Variants in LRFN5 observed in about 807,000 individuals in gnomAD.
The protein encoded by LRFN5 is leucine rich repeat and fibronectin type III domain containing 5.
Under a neutral mutation model 45.6 loss-of-function variants are expected in LRFN5, and 24 were observed. The observed-to-expected ratio is 0.53, with a 90% CI of 0.38 to 0.74. The LOEUF is 0.74. LRFN5 is among the 30% of genes least tolerant of loss of function. The pLI, the probability that LRFN5 is intolerant of heterozygous loss-of-function variation, is 0.00. For missense variants in LRFN5, 776 were observed against 861.5 expected, an observed-to-expected ratio of 0.90 and a Z score of 1.24; for synonymous variants, 340 against 313.8, an observed-to-expected ratio of 1.08 and a Z score of -0.88.
intron 2 of LRFN5, among the ~76,000 whole-genome samples, chr14:41,794,722 T>G (rs1887056935): frequency 1.3e-5 from 2 of 152,114 alleles, no homozygotes; most frequent in South Asian, 4.1e-4. Context: ...TAAGAATATA[T>G]GGTTTATGCT....
At chr14:41,741,720 T>C (rs1471063460) in intron 1 of LRFN5, among the ~76,000 whole-genome samples, 1 of 151,406 alleles carries the variant, frequency 6.6e-6, no homozygotes, top group Non-Finnish European at 1.5e-5. Flanking sequence ...TAAAAAGCTT[T>C]GATGCAGCAA....
At chr14:41,650,295 A>T (rs1880048941) in intron 1 of LRFN5, among the ~76,000 whole-genome samples, 1 of 135,410 alleles carries the variant, frequency 7.4e-6, no homozygotes, top group Non-Finnish European at 1.6e-5. Context: ...TGCAACACAG[A>T]TGAGAGATAG....
At chr14:41,736,979 GA>G (rs1884466217) in intron 1 of LRFN5, among the ~76,000 whole-genome samples, 1 of 152,004 alleles carries the variant, frequency 6.6e-6, no homozygotes, top group Non-Finnish European at 1.5e-5. Flanking sequence ...AAAAAAAAAG[GA>G]ATCCTCTCTA....
intron 2 of LRFN5, among the ~76,000 whole-genome samples, chr14:41,863,526 C>T (rs1026126673): frequency 6.6e-6 from 1 of 151,816 alleles, no homozygotes; most frequent in African/African-American, 2.4e-5. Flanking sequence ...CTCTTTTGAC[C>T]CATGGGTTAT....
At chr14:41,630,538 A>T (rs941882002) in intron 1 of LRFN5, among the ~76,000 whole-genome samples, 1 of 152,174 alleles carries the variant, frequency 6.6e-6, no homozygotes, top group African/African-American at 2.4e-5. Flanking sequence ...TCCATGTTTT[A>T]TATTATATAC....
intron 2 of LRFN5, among the ~76,000 whole-genome samples, chr14:41,873,392 AAGAG>A (rs1350595343): frequency 6.8e-6 from 1 of 146,750 alleles, no homozygotes; most frequent in Non-Finnish European, 1.5e-5. Context: ...AAGAGAGAGA[AAGAG>A]AGAGGAGAAA....
chr14:41,852,918 T>C (rs1392846105), intron 2 of LRFN5, among the ~76,000 whole-genome samples: 1 of 152,010 alleles, frequency 6.6e-6, no homozygotes, highest in Admixed American at 6.6e-5. Context: ...GTATTTTTTC[T>C]TTATAACTAA....
intron 2 of LRFN5, among the ~76,000 whole-genome samples, chr14:41,823,111 T>G (rs1888178598): frequency 6.6e-6 from 1 of 152,064 alleles, no homozygotes; most frequent in African/African-American, 2.4e-5. Flanking sequence ...ATCTATAGTG[T>G]AGGATTTAGC....
chr14:41,734,316 T>TATATATATATATATATATA (rs1884314909), intron 1 of LRFN5, among the ~76,000 whole-genome samples: 6 of 38,798 alleles, frequency 1.5e-4, no homozygotes, highest in African/African-American at 1.6e-4. Context: ...TGGACTGGTT[T>TATATATATATATATATATA]TATATATATA....
intron 1 of LRFN5, among the ~76,000 whole-genome samples, chr14:41,759,825 G>T (rs979827113): frequency 6.6e-5 from 10 of 152,174 alleles, no homozygotes; most frequent in Non-Finnish European, 1.2e-4. Flanking sequence ...TGACAATTAA[G>T]CATGTTTTTC....
chr14:41,636,347 A>G (rs905187873), intron 1 of LRFN5, among the ~76,000 whole-genome samples: 18 of 152,130 alleles, frequency 1.2e-4, no homozygotes, highest in African/African-American at 3.1e-4. Flanking sequence ...TAAAATTAGG[A>G]GTTAAACATT....
intron 5 of LRFN5, among the ~76,000 whole-genome samples, chr14:41,901,776 T>C (rs1891109324): frequency 6.6e-6 from 1 of 151,972 alleles, no homozygotes; most frequent in African/African-American, 2.4e-5. Flanking sequence ...ATGATGCAAA[T>C]ATGCTTCCAA....
rs1472644614 is a variant in LRFN5 at position 41,886,827 on chromosome 14, A to G, written c.202A>G (p.Arg68Gly). The change falls in exon 3 of 6, where the codon AGG becomes GGG. Residue 68 changes from arginine (R) to glycine (G), a missense_variant. Arg to Gly is a moderately radical substitution (Grantham distance 125). Coordinates refer to ENST00000298119, the MANE Select transcript of LRFN5 (RefSeq NM_152447.5). ...AGACAATTTTGTTACAAATATTAAA[A>G]GGAAAGATTTTGCCAATATGACCAG... ...LADNFVTNIK[R>G]KDFANMTSLV... 1.2e-6 allele frequency: 2 copies of G among 1,614,086 alleles called. No homozygotes were observed. Among genetic ancestry groups the G allele is most frequent in the South Asian group, 1.1e-5 (1 of 91,058 alleles).
At chr14:41,734,553 G>C (rs1884343078) in intron 1 of LRFN5, among the ~76,000 whole-genome samples, 1 of 150,580 alleles carries the variant, frequency 6.6e-6, no homozygotes, top group Non-Finnish European at 1.5e-5. Flanking sequence ...TGTGTGCAGA[G>C]AGGTGAAGTA....
At chr14:41,649,955 A>G (rs1594581426) in intron 1 of LRFN5, among the ~76,000 whole-genome samples, 1 of 152,182 alleles carries the variant, frequency 6.6e-6, no homozygotes, top group Non-Finnish European at 1.5e-5. Context: ...CATAGAATAT[A>G]TGTATTTTTA....
At position 41,704,442 on chromosome 14, in the gene LRFN5, C is replaced by CTGTGTGTGTGTGTGTG. The variant is rs1190054164; in HGVS notation, c.-196-62411_-196-62410insGTGTGTGTGTGTGTGT. 2.2e-4 allele frequency among the ~76,000 whole-genome samples: 28 copies of CTGTGTGTGTGTGTGTG among 127,836 alleles called. No homozygotes were observed. In the East Asian group the frequency reaches 5.6e-3, roughly 26 times the overall value. 83.9% of individuals were successfully genotyped at this position (127,836 alleles called of 152,430 possible). ...TCTCTCTCTCTCTCTCTCTCTCTCTCTCTCTCTGTGTGTGTGTGTCTGTGA... is the reference window on the plus strand; with the variant it reads ...TCTCTCTCTCTCTCTCTCTCTCTCTCTGTGTGTGTGTGTGTGTCTCTCTGTGTGTGTGTGTCTGTGA... On this transcript the variant is annotated intron_variant, in intron 1 of 5. Transcript: ENST00000298119.
chr14:41,711,727 G>A lies in LRFN5; in HGVS notation c.-196-55127G>A, dbSNP rs560995947. 3.9e-5 allele frequency among the ~76,000 whole-genome samples: 6 copies of A among 152,234 alleles called. No individual in the cohort carries two copies. The South Asian group carries it at 1.2e-3, about 32-fold the overall frequency. On this transcript the variant is annotated intron_variant, in intron 1 of 5. Transcript: ENST00000298119. The stretch of plus-strand genomic sequence containing the variant: ...GTTTCACAGATAAACTGTTATTAAT[G>A]TAAAATCACAGGAATACATCTGAAA...
chr14:41,793,149 TA>T lies in LRFN5; in HGVS notation c.-21+26130del, dbSNP rs553628775. ...TGTACCCTAAAACTTAAAGTATAATTAAAAAAAAAAGAAAAAAAAAGTATTA... is the reference window on the plus strand; with the variant it reads ...TGTACCCTAAAACTTAAAGTATAATTAAAAAAAAAGAAAAAAAAAGTATTA... On this transcript the variant is annotated intron_variant, in intron 2 of 5. Coordinates refer to ENST00000298119, the MANE Select transcript of LRFN5 (RefSeq NM_152447.5). Among the ~76,000 whole-genome samples, 1,077 of 144,376 alleles carry T rather than the reference TA, an allele frequency of 7.5e-3. 8 individuals carry two copies. The highest frequency in any genetic ancestry group is 0.021 in the Middle Eastern group (6 of 280). The allele number at this position is 144,376 out of a possible 152,430, so 94.7% of individuals were successfully genotyped here. A position where few individuals can be genotyped will look rare whatever the true frequency, so the allele number is the denominator to read the frequency against.
intron 1 of LRFN5, among the ~76,000 whole-genome samples, chr14:41,633,763 A>G (rs1386985383): frequency 6.6e-6 from 1 of 152,200 alleles, no homozygotes; most frequent in African/African-American, 2.4e-5. Context: ...AAAATTTTAA[A>G]AAACAGTATA....
Sources: gnomAD v4.1 joint callset for allele counts (sites outside exome capture counted in the v4.1 genomes callset) on GRCh38, gnomAD v4.1.1 for gene constraint, MANE v1.5 for transcripts, NCBI Gene and HGNC (gene_info 2026-07-23, HGNC 2026-07-21) for gene names.